NDUFS1: variants seen among roughly 807,000 people sequenced by gnomAD.
NDUFS1 encodes NADH:ubiquinone oxidoreductase core subunit S1, also known as NADH-ubiquinone oxidoreductase 75 kDa subunit, mitochondrial.
Under a neutral mutation model 84.4 loss-of-function variants are expected in NDUFS1, and 61 were observed. The observed-to-expected ratio is 0.72, with a 90% confidence interval of 0.59 to 0.89. The LOEUF (loss-of-function observed/expected upper bound fraction) is 0.89, where lower values mean the gene tolerates loss of function less well. Ranked by LOEUF, NDUFS1 falls within the 40% of genes least tolerant of loss-of-function variation. NDUFS1 has a pLI of 0.00. For synonymous variants in NDUFS1, 275 were observed against 290.0 expected (o/e 0.95, Z 0.53); for missense variants, 891 against 890.0 (o/e 1.00, Z -0.01).
intron 8 of NDUFS1, 64 bp from the exon 9 acceptor site, chr2:206,145,090 G>T: frequency 6.7e-7 from 1 of 1,497,092 alleles, no homozygotes; most frequent in Non-Finnish European, 8.9e-7. Flanking sequence ...CTGTTACCTG[G>T]TTTACCAAAA....
In NDUFS1 at chr2:206,115,987, G is replaced by C; in HGVS notation, c.*8198C>G. 1.4e-6 allele frequency: 1 copy of C among 722,826 alleles called. No homozygotes were observed. The highest frequency in any genetic ancestry group is 2.6e-6 in the Non-Finnish European group (1 of 388,642). 44.8% of individuals were successfully genotyped at this position (722,826 alleles called of 1,614,324 possible). On this transcript the variant is annotated 3_prime_UTR_variant, in exon 19 of 19. Coordinates refer to ENST00000233190, the MANE Select transcript of NDUFS1 (RefSeq NM_005006.7). ...TCTTCTTTCATTAGCAGTGTTAACA[G>C]TAGTTTTTTTTTCCCATGGGTAATG...
chr2:206,141,086 A>C (rs1691929018), intron 12 of NDUFS1, among the ~76,000 whole-genome samples: 1 of 152,116 alleles, frequency 6.6e-6, no homozygotes, highest in South Asian at 2.1e-4. Flanking sequence ...AAGTAAATTT[A>C]AAAGACTCGC....
intron 1 of NDUFS1, among the ~76,000 whole-genome samples, chr2:206,156,957 CA>C (rs1687679035): frequency 6.6e-6 from 1 of 152,200 alleles, no homozygotes; most frequent in African/African-American, 2.4e-5. Flanking sequence ...CACTGACAAT[CA>C]GTATGTGTGT....
intron 10 of NDUFS1, 45 bp downstream of exon 10, chr2:206,143,973 T>C: frequency 6.8e-7 from 1 of 1,475,610 alleles, no homozygotes; most frequent in Non-Finnish European, 9.5e-7. Flanking sequence ...AGATGTTTCT[T>C]GATAATCACA....
intron 12 of NDUFS1, among the ~76,000 whole-genome samples, chr2:206,139,260 A>C (rs1161462173): frequency 6.6e-6 from 1 of 152,012 alleles, no homozygotes; most frequent in East Asian, 1.9e-4. Context: ...ATCTCGACTC[A>C]CTGCAAGCTC....
In NDUFS1 at chr2:206,124,248, C is replaced by T. The variant is rs1321888585; in HGVS notation, c.2121G>A (p.Met707Ile). 3.7e-6 allele frequency: 6 copies of T among 1,613,224 alleles called. No homozygotes were observed. Among genetic ancestry groups the T allele is most frequent in the Non-Finnish European group, 5.1e-6 (6 of 1,179,248 alleles). ...CTGTGACAGCTTTGACACATTTGGC[C>T]ATTGTCTGTGAGGCTCTGCTAATTG... is the stretch of plus-strand genomic sequence containing the variant. ...TDSISRASQT[M>I]AKCVKAVTEG... is the part of the protein sequence containing the mutation. The change falls in exon 19 of 19, where the codon ATG becomes ATA. Residue 707 changes from methionine (M) to isoleucine (I), a missense_variant. Met to Ile is a conservative substitution (Grantham distance 10). Coordinates refer to ENST00000233190, the MANE Select transcript of NDUFS1 (RefSeq NM_005006.7).
Position 206,144,024 on chromosome 2 carries a change from A to G in NDUFS1, c.981T>C (p.Ala327=). ...TSWEDALSRV[A]GMLQSFQGKD... is the part of the protein sequence containing the mutation. ...TATTTATTTCAAATTTTACCATTCC[A>G]GCTACGCGAGAGAGCGCATCCTCCC... Residue 327 remains alanine, a synonymous_variant, in exon 10 of 19, where the codon GCT becomes GCC. Coordinates refer to ENST00000233190, the MANE Select transcript of NDUFS1 (RefSeq NM_005006.7). 1 of 1,605,846 alleles carries G rather than the reference A, an allele frequency of 6.2e-7. No individual in the cohort carries two copies. Among genetic ancestry groups the G allele is most frequent in the Non-Finnish European group, 8.5e-7 (1 of 1,172,574 alleles).
At position 206,124,800 on chromosome 2, in the gene NDUFS1, C is replaced by T. The variant is rs113161358; in HGVS notation, c.2093-524G>A. 8.7e-3 allele frequency among the ~76,000 whole-genome samples: 1,328 copies of T among 152,112 alleles called. 15 individuals are homozygous for T. The highest frequency in any genetic ancestry group is 0.03 in the African/African-American group (1,261 of 41,466). On this transcript the variant is annotated intron_variant, in intron 18 of 18. Coordinates refer to ENST00000233190, the MANE Select transcript of NDUFS1 (RefSeq NM_005006.7). ...CTTGCAGTGAGCCGAGATCACACCA[C>T]TGCAATCTAGCCTGGGCGACAGAGC...
At chr2:206,133,254 A>C in intron 13 of NDUFS1, 149 bp from the exon 14 acceptor site, 6 of 647,114 alleles carry the variant, frequency 9.3e-6, no homozygotes, top group Non-Finnish European at 1.6e-5. Flanking sequence ...AGACACACAT[A>C]TACAACCAGA....
intron 12 of NDUFS1, among the ~76,000 whole-genome samples, chr2:206,140,316 C>T (rs1691886971): frequency 6.6e-6 from 1 of 151,904 alleles, no homozygotes; most frequent in Non-Finnish European, 1.5e-5. Flanking sequence ...GCTAATATAC[C>T]TTAGCCTGTG....
rs16837974 is a variant in NDUFS1 at position 206,145,597 on chromosome 2, G to A, written c.738-571C>T. ...AAGGAGCTCAAAAAACCTTCCCACT[G>A]AAAAGCAAAAGTAAAGCTGGCCAAA... On this transcript the variant is annotated intron_variant, in intron 8 of 18. Transcript: ENST00000233190. 1.0e-2 allele frequency among the ~76,000 whole-genome samples: 1,519 copies of A among 152,212 alleles called. 31 individuals carry two copies. The highest frequency in any genetic ancestry group is 0.035 in the African/African-American group (1,438 of 41,518).
In NDUFS1 at chr2:206,119,901, G is replaced by C. The variant is rs1691050393; in HGVS notation, c.*4284C>G. ...TCACTTCCAAATCTCATGTTGAAAT[G>C]TAACCCCCAATGCTGGAGGTAGGGC... On this transcript the variant is annotated 3_prime_UTR_variant, in exon 19 of 19. Coordinates refer to ENST00000233190, the MANE Select transcript of NDUFS1 (RefSeq NM_005006.7). The C allele has an allele frequency of 6.6e-6, 1 of 151,954 alleles. No individual in the cohort carries two copies. Among genetic ancestry groups the C allele is most frequent in the African/African-American group, 2.4e-5 (1 of 41,358 alleles). The allele number at this position is 151,954 out of a possible 1,614,324, so 9.4% of individuals were successfully genotyped here.
In NDUFS1 at chr2:206,115,963, CTTCT is replaced by C. The variant is rs893768141; in HGVS notation, c.*8218_*8221del. ...CAATCATTAGAAAGTTAAAAGGCAT[CTTCT>C]TTCATTAGCAGTGTTAACAGTAGTT... On this transcript the variant is annotated 3_prime_UTR_variant, in exon 19 of 19. Transcript: ENST00000233190. 1.5e-5 allele frequency: 10 copies of C among 684,718 alleles called. No homozygotes were observed. The African/African-American group carries it at 1.8e-4, about 12-fold the overall frequency. The allele number at this position is 684,718 out of a possible 1,614,324, so 42.4% of individuals were successfully genotyped here. A position where few individuals can be genotyped will look rare whatever the true frequency, so the allele number is the denominator to read the frequency against.
In NDUFS1 at chr2:206,132,977, A is replaced by C; in HGVS notation, c.1521T>G (p.Thr507=). 2 of 1,613,986 alleles carry C rather than the reference A, an allele frequency of 1.2e-6. No homozygotes were observed. ...GGATATTCATAACTTTCCAATCACCAGTAACACCACTAGTCATCCGAATCT... is the reference window on the plus strand; with the variant it reads ...GGATATTCATAACTTTCCAATCACCCGTAACACCACTAGTCATCCGAATCT... ...AQKIRMTSGV[T]GDWKVMNILH... The change falls in exon 14 of 19, where the codon ACT becomes ACG. Residue 507 remains threonine, a synonymous_variant. Coordinates refer to ENST00000233190, the MANE Select transcript of NDUFS1 (RefSeq NM_005006.7).
In NDUFS1 at chr2:206,152,157, G is replaced by A. The variant is rs566023895; in HGVS notation, c.153+262C>T. Reference sequence around the variant, plus strand: ...ATTACAGGCATGAGCCACTGCGCTCGGACTTCAAATTTCTTAATGGGTATT... The same window carrying A: ...ATTACAGGCATGAGCCACTGCGCTCAGACTTCAAATTTCTTAATGGGTATT... On this transcript the variant is annotated intron_variant, in intron 3 of 18. Transcript: ENST00000233190. 3.9e-5 allele frequency among the ~76,000 whole-genome samples: 6 copies of A among 152,092 alleles called. No individual in the cohort carries two copies. The East Asian group carries it at 5.8e-4, about 15-fold the overall frequency.
intron 14 of NDUFS1, among the ~76,000 whole-genome samples, chr2:206,131,588 G>C (rs1411583103): frequency 1.3e-5 from 2 of 152,058 alleles, no homozygotes; most frequent in Non-Finnish European, 2.9e-5. Flanking sequence ...GATCACCTGA[G>C]GTCAGGAGTT....
At chr2:206,127,682 A>G in intron 16 of NDUFS1, 115 bp downstream of exon 16, 2 of 1,130,028 alleles carry the variant, frequency 1.8e-6, no homozygotes. Flanking sequence ...AAATTATTCA[A>G]ATCATCTCTG....
rs1369373301 is a variant in NDUFS1, at chr2:206,116,952, G to C, written c.*7233C>G. 2 of 152,614 alleles carry C rather than the reference G, an allele frequency of 1.3e-5. No homozygotes were observed. The highest frequency in any genetic ancestry group is 2.9e-5 in the Non-Finnish European group (2 of 68,396). 9.5% of individuals were successfully genotyped at this position (152,614 alleles called of 1,614,324 possible). ...GCAGGAAAACTGAACCCGGGAGGTG[G>C]AGGTTGCAGTGAGCTGAGATTGTGC... is the stretch of plus-strand genomic sequence containing the variant. On this transcript the variant is annotated 3_prime_UTR_variant, in exon 19 of 19. Transcript: ENST00000233190.
At chr2:206,147,874 C>T in intron 5 of NDUFS1, 40 bp from the exon 6 acceptor site, 1 of 1,531,546 alleles carries the variant, frequency 6.5e-7, no homozygotes, top group Non-Finnish European at 9.0e-7. Flanking sequence ...CTCTCAAATA[C>T]ACACACACTG....
Sources: allele counts gnomAD v4.1 joint callset (sites outside exome capture counted in the v4.1 genomes callset), GRCh38; gene constraint gnomAD v4.1.1; transcripts MANE v1.5; gene names NCBI Gene and HGNC (gene_info 2026-07-23, HGNC 2026-07-21).